Variants in FSTL5 observed in about 807,000 individuals in gnomAD.
The protein encoded by FSTL5 is follistatin-related protein 5.
Under a neutral mutation model 89.1 loss-of-function variants are expected in FSTL5, and 62 were observed. That is an observed-to-expected ratio of 0.70 (90% CI 0.57 to 0.86). FSTL5 has a LOEUF of 0.86. FSTL5 is among the 40% of genes least tolerant of loss of function. The pLI is 0.00. For missense variants in FSTL5, 1,057 were observed against 1,001.6 expected (o/e 1.06, Z -0.75); for synonymous variants, 383 against 346.2 (o/e 1.11, Z -1.18).
At chr4:161,565,424 A>AG (rs1233841291) in intron 8 of FSTL5, among the ~76,000 whole-genome samples, 1 of 151,830 alleles carries the variant, frequency 6.6e-6, no homozygotes, top group African/African-American at 2.4e-5. Context: ...TATGTTTTTG[A>AG]GGGAAAAAAT....
chr4:161,869,066 G>C (rs1384321834), intron 4 of FSTL5, among the ~76,000 whole-genome samples: 1 of 151,998 alleles, frequency 6.6e-6, no homozygotes, highest in African/African-American at 2.4e-5. Flanking sequence ...TACAAAAATA[G>C]GTGGGCACCT....
At chr4:162,020,834 G>T (rs1298691680) in intron 3 of FSTL5, among the ~76,000 whole-genome samples, 3 of 152,066 alleles carry the variant, frequency 2.0e-5, no homozygotes, top group Admixed American at 6.5e-5. Context: ...AAATATTTAT[G>T]ATTTTTCAGC....
At chr4:162,153,010 C>T (rs142999225) in intron 1 of FSTL5, among the ~76,000 whole-genome samples, 278 of 152,162 alleles carry the variant, frequency 1.8e-3, no homozygotes, top group African/African-American at 6.3e-3. Flanking sequence ...AACAATTTGT[C>T]ATTTAAAACT....
intron 7 of FSTL5, among the ~76,000 whole-genome samples, chr4:161,607,820 ATT>A: frequency 6.6e-6 from 1 of 152,310 alleles, no homozygotes; most frequent in South Asian, 2.1e-4. Context: ...ATTTGTTATC[ATT>A]AAATGTTTGT....
At chr4:161,545,779 G>C (rs540753323) in intron 8 of FSTL5, among the ~76,000 whole-genome samples, 1 of 152,008 alleles carries the variant, frequency 6.6e-6, no homozygotes, top group African/African-American at 2.4e-5. Context: ...GTCATAGATG[G>C]AATACCTCTC....
At chr4:161,588,289 T>C (rs2126607996) in intron 7 of FSTL5, among the ~76,000 whole-genome samples, 1 of 152,278 alleles carries the variant, frequency 6.6e-6, no homozygotes, top group South Asian at 2.1e-4. Flanking sequence ...TTCACATTGG[T>C]AGTTATCTAC....
intron 3 of FSTL5, among the ~76,000 whole-genome samples, chr4:161,940,311 T>C (rs1734543255): frequency 1.3e-5 from 2 of 151,702 alleles, no homozygotes; most frequent in Non-Finnish European, 1.5e-5. Context: ...GCCATCAAAA[T>C]ACGCTATCTG....
chr4:161,670,695 T>G (rs1434681681), intron 6 of FSTL5, among the ~76,000 whole-genome samples: 2 of 152,208 alleles, frequency 1.3e-5, no homozygotes, highest in African/African-American at 4.8e-5. Context: ...TGAGTGTCCC[T>G]TTAGGAGCTT....
At chr4:161,778,885 GA>G (rs1460743500) in intron 4 of FSTL5, among the ~76,000 whole-genome samples, 1 of 152,116 alleles carries the variant, frequency 6.6e-6, no homozygotes, top group African/African-American at 2.4e-5. Context: ...AATGTGTGAT[GA>G]AAAAAATTCT....
chr4:161,446,673 T>C (rs2126380772), intron 15 of FSTL5, among the ~76,000 whole-genome samples: 1 of 152,232 alleles, frequency 6.6e-6, no homozygotes, highest in East Asian at 1.9e-4. Flanking sequence ...CAGTCTACTG[T>C]ATTAAATATA....
At chr4:161,962,224 A>G (rs957507176) in intron 3 of FSTL5, among the ~76,000 whole-genome samples, 28 of 151,994 alleles carry the variant, frequency 1.8e-4, no homozygotes, top group Non-Finnish European at 3.8e-4. Flanking sequence ...AGAAAGGTCC[A>G]GATTTACATT....
chr4:161,938,997 G>A (rs746337184), intron 3 of FSTL5, among the ~76,000 whole-genome samples: 2 of 151,732 alleles, frequency 1.3e-5, no homozygotes, highest in Admixed American at 6.6e-5. Flanking sequence ...AGGGCAATTA[G>A]CATAAAAATA....
chr4:161,851,950 T>G (rs1237266594), intron 4 of FSTL5, among the ~76,000 whole-genome samples: 1 of 151,878 alleles, frequency 6.6e-6, no homozygotes, highest in Non-Finnish European at 1.5e-5. Context: ...CACATTTAAT[T>G]TAATTGCATT....
At chr4:161,459,365 A>G (rs761820614) in intron 13 of FSTL5, 46 bp from the exon 14 acceptor site, 3 of 1,244,344 alleles carry the variant, frequency 2.4e-6, no homozygotes, top group Non-Finnish European at 3.5e-6. Flanking sequence ...CTAAACTATT[A>G]GTTTAAAGCT....
chr4:161,525,828 T>C (rs1165441671), intron 10 of FSTL5, among the ~76,000 whole-genome samples: 1 of 152,194 alleles, frequency 6.6e-6, no homozygotes, highest in African/African-American at 2.4e-5. Context: ...CTTTTTGACT[T>C]TTGGTATTAT....
chr4:161,943,005 G>A (rs1312447089), intron 3 of FSTL5, among the ~76,000 whole-genome samples: 6 of 152,072 alleles, frequency 3.9e-5, no homozygotes, highest in Non-Finnish European at 1.5e-5. Flanking sequence ...ACACTGAGAA[G>A]TCTATTGTAT....
chr4:161,801,197 A>G (rs1729780311), intron 4 of FSTL5, among the ~76,000 whole-genome samples: 1 of 151,578 alleles, frequency 6.6e-6, no homozygotes, highest in African/African-American at 2.4e-5. Flanking sequence ...CATTTATTGT[A>G]AGGGGGCAAG....
intron 3 of FSTL5, among the ~76,000 whole-genome samples, chr4:161,989,505 A>T (rs1360454420): frequency 1.3e-5 from 2 of 151,938 alleles, no homozygotes; most frequent in African/African-American, 4.8e-5. Flanking sequence ...TAGCTATGGA[A>T]TCAAACTTAA....
intron 15 of FSTL5, among the ~76,000 whole-genome samples, chr4:161,393,196 T>G (rs12054492): frequency 0.23 from 35,046 of 151,676 alleles, 4,133 homozygotes; most frequent in Non-Finnish European, 0.25. Flanking sequence ...TTTTAAAATC[T>G]ATTAATTAAT....
Sources: allele counts gnomAD v4.1 joint callset (sites outside exome capture counted in the v4.1 genomes callset), GRCh38; gene constraint gnomAD v4.1.1; transcripts MANE v1.5; gene names NCBI Gene and HGNC (gene_info 2026-07-23, HGNC 2026-07-21).